Variants in N4BP1 observed in about 807,000 individuals in gnomAD.
N4BP1 encodes NEDD4 binding protein 1, also known as NEDD4-binding protein 1.
Under a neutral mutation model 70.9 loss-of-function variants are expected in N4BP1, and 21 were observed. The observed-to-expected ratio is 0.30, with a 90% confidence interval of 0.21 to 0.43. N4BP1 has a LOEUF of 0.43. Ranked by LOEUF, N4BP1 falls within the 20% of genes least tolerant of loss-of-function variation. N4BP1 has a pLI of 1.00. For synonymous variants in N4BP1, 387 were observed against 394.6 expected (o/e 0.98, Z 0.23); for missense variants, 936 against 1,069.4 (o/e 0.88, Z 1.74).
chr16:48,600,172 G>A, intron 1 of N4BP1: 1 of 608,898 alleles, frequency 1.6e-6, no homozygotes, highest in Non-Finnish European at 3.0e-6. Context: ...CATGTGTACT[G>A]TGAAGTGTTA....
Position 48,576,521 on chromosome 16 carries a change from A to G in N4BP1, c.199-14077T>C, listed in dbSNP as rs143433836. ...AAATCTCCACAATTTGACAGCTTCA[A>G]AAACTTCCAGCTCTCCTGATTTTTT... On this transcript the variant is annotated intron_variant, in intron 1 of 6. Transcript: ENST00000262384. 3.9e-5 allele frequency among the ~76,000 whole-genome samples: 6 copies of G among 152,328 alleles called. No homozygotes were observed. The East Asian group carries it at 1.2e-3, about 29-fold the overall frequency.
At chr16:48,594,292 T>A (rs1040952454) in intron 1 of N4BP1, among the ~76,000 whole-genome samples, 5 of 152,154 alleles carry the variant, frequency 3.3e-5, no homozygotes, top group African/African-American at 1.2e-4. Context: ...GTTTTAAAAT[T>A]TGTGGGTTAT....
intron 1 of N4BP1, among the ~76,000 whole-genome samples, chr16:48,564,928 G>A (rs1963917332): frequency 6.6e-6 from 1 of 152,146 alleles, no homozygotes; most frequent in Non-Finnish European, 1.5e-5. Flanking sequence ...CTGAGTGATT[G>A]TACAGTGTTG....
rs1281915526 is a variant in N4BP1 at position 48,560,885 on chromosome 16, A to T, written c.1758T>A (p.Ile586=). ...DARSAGPSDH[I]DSSVTGVQRF... ...TTTGAACCCCAGTAACTGAGGAATC[A>T]ATATGATCAGAAGGTCCTGCCGACC... The change falls in exon 2 of 7, where the codon ATT becomes ATA. Residue 586 remains isoleucine, a synonymous_variant. Transcript: ENST00000262384. 2 of 1,614,020 alleles carry T rather than the reference A, an allele frequency of 1.2e-6. No homozygotes were observed. The highest frequency in any genetic ancestry group is 2.2e-5 in the South Asian group (2 of 91,084).
chr16:48,561,253 T>G lies in N4BP1; in HGVS notation c.1390A>C (p.Arg464=). The G allele has an allele frequency of 6.2e-7, 1 of 1,614,020 alleles. No individual in the cohort carries two copies. Among genetic ancestry groups the G allele is most frequent in the Non-Finnish European group, 8.5e-7 (1 of 1,179,886 alleles). The change falls in exon 2 of 7, where the codon AGA becomes CGA. Residue 464 remains arginine (R), a synonymous_variant. Transcript: ENST00000262384. ...CTSNCRINTF[R]TVPIEQKHEV... Reference sequence around the variant, plus strand: ...TGTTTCTGTTCTATTGGCACTGTTCTGAAAGTATTAATTCTACAATTTGAG... The same window carrying G: ...TGTTTCTGTTCTATTGGCACTGTTCGGAAAGTATTAATTCTACAATTTGAG...
intron 1 of N4BP1, among the ~76,000 whole-genome samples, chr16:48,588,350 A>C (rs970812013): frequency 2.7e-5 from 4 of 149,798 alleles, no homozygotes; most frequent in Non-Finnish European, 5.9e-5. Flanking sequence ...GCTGGGGTGC[A>C]ATGGCAGGAT....
intron 1 of N4BP1, among the ~76,000 whole-genome samples, chr16:48,584,116 T>C (rs1225074460): frequency 6.6e-6 from 1 of 152,218 alleles, no homozygotes; most frequent in Non-Finnish European, 1.5e-5. Flanking sequence ...TATACATGAA[T>C]CTGGTCTATG....
chr16:48,594,001 C>CAAAAAAAAAAAAAAAAAAAAAAA lies in N4BP1; in HGVS notation c.198+15773_198+15774insTTTTTTTTTTTTTTTTTTTTTTT, dbSNP rs750355255. ...TGGGTGCCAGAGCAAGACTCCGTCT[C>CAAAAAAAAAAAAAAAAAAAAAAA]AAAAAAAAAAAAAAAAACAAAAAAA... On this transcript the variant is annotated intron_variant, in intron 1 of 6. Coordinates refer to ENST00000262384, the MANE Select transcript of N4BP1 (RefSeq NM_153029.4). 1.2e-4 allele frequency among the ~76,000 whole-genome samples: 5 copies of CAAAAAAAAAAAAAAAAAAAAAAA among 42,556 alleles called. 1 individual carries two copies. The highest frequency in any genetic ancestry group is 2.6e-4 in the African/African-American group (3 of 11,328). The allele number at this position is 42,556 out of a possible 152,430, so 27.9% of individuals were successfully genotyped here.
intron 2 of N4BP1, among the ~76,000 whole-genome samples, chr16:48,559,198 A>C (rs1384446605): frequency 6.6e-6 from 1 of 152,174 alleles, no homozygotes; most frequent in African/African-American, 2.4e-5. Flanking sequence ...AATCCTAATA[A>C]AAAATTTACA....
intron 1 of N4BP1, chr16:48,600,293 C>T (rs569392676): frequency 4.4e-6 from 5 of 1,128,968 alleles, no homozygotes; most frequent in East Asian, 2.4e-5. Flanking sequence ...AAAAGAAGCA[C>T]AATCCTTGCA....
chr16:48,570,857 G>T (rs1964009909), intron 1 of N4BP1, among the ~76,000 whole-genome samples: 1 of 152,134 alleles, frequency 6.6e-6, no homozygotes, highest in African/African-American at 2.4e-5. Context: ...GTCTCACTCT[G>T]TCACCCAGCC....
chr16:48,582,231 G>A (rs1457906245), intron 1 of N4BP1, among the ~76,000 whole-genome samples: 1 of 152,156 alleles, frequency 6.6e-6, no homozygotes, highest in Non-Finnish European at 1.5e-5. Flanking sequence ...CCTTGGTCAA[G>A]CATGTTATGA....
At chr16:48,607,260 G>A (rs1964596995) in intron 1 of N4BP1, among the ~76,000 whole-genome samples, 1 of 152,174 alleles carries the variant, frequency 6.6e-6, no homozygotes, top group Admixed American at 6.5e-5. Flanking sequence ...GGACCAGCAG[G>A]GCTCTTCTGC....
At chr16:48,583,262 A>G (rs1964199405) in intron 1 of N4BP1, among the ~76,000 whole-genome samples, 1 of 152,224 alleles carries the variant, frequency 6.6e-6, no homozygotes, top group Non-Finnish European at 1.5e-5. Context: ...GGTATTTGCA[A>G]CATCATAGAT....
intron 1 of N4BP1, among the ~76,000 whole-genome samples, chr16:48,590,661 T>C (rs1964323358): frequency 6.6e-6 from 1 of 152,188 alleles, no homozygotes; most frequent in African/African-American, 2.4e-5. Context: ...CCAATGTGCA[T>C]GAATTTAATT....
At chr16:48,547,401 C>T (rs1267833079) in intron 5 of N4BP1, among the ~76,000 whole-genome samples, 2 of 152,150 alleles carry the variant, frequency 1.3e-5, no homozygotes, top group Non-Finnish European at 2.9e-5. Context: ...GCAGTGGACA[C>T]ATTCATAGTA....
In N4BP1 at chr16:48,553,523, A is replaced by G. The variant is rs760107429; in HGVS notation, c.2020+16T>C. On this transcript the variant is annotated intron_variant, in intron 3 of 6. Coordinates refer to ENST00000262384, the MANE Select transcript of N4BP1 (RefSeq NM_153029.4). ...AAACATTTCACTAGAAATCTGAAAA[A>G]ATCAGTTTGCCTCACCTGTGACATT... is the stretch of plus-strand genomic sequence containing the variant. 2 of 1,525,406 alleles carry G rather than the reference A, an allele frequency of 1.3e-6. No homozygotes were observed. The highest frequency in any genetic ancestry group is 2.7e-5 in the South Asian group (2 of 75,140). The allele number at this position is 1,525,406 out of a possible 1,614,324, so 94.5% of individuals were successfully genotyped here.
intron 1 of N4BP1, among the ~76,000 whole-genome samples, chr16:48,601,870 C>T (rs1234230699): frequency 6.6e-6 from 1 of 152,118 alleles, no homozygotes; most frequent in Non-Finnish European, 1.5e-5. Flanking sequence ...TGCCACCACG[C>T]CCAGCTAAAT....
At chr16:48,587,022 T>A (rs1964255369) in intron 1 of N4BP1, 1 of 152,350 alleles carries the variant, frequency 6.6e-6, no homozygotes. Flanking sequence ...TTAACTCTCC[T>A]CCATCCTGAT....
Sources: gnomAD v4.1 joint callset for allele counts (sites outside exome capture counted in the v4.1 genomes callset) on GRCh38, gnomAD v4.1.1 for gene constraint, MANE v1.5 for transcripts, NCBI Gene and HGNC (gene_info 2026-07-23, HGNC 2026-07-21) for gene names.